The following CADM2 variants were observed in gnomAD, a reference collection of about 807,000 sequenced individuals.
CADM2 encodes the protein cell adhesion molecule 2, also known as immunoglobulin superfamily member 4D.
CADM2 carries 12 observed loss-of-function variants against 49.8 expected under a neutral mutation model. That is an observed-to-expected ratio of 0.24 (90% CI 0.15 to 0.39). The LOEUF (loss-of-function observed/expected upper bound fraction) is 0.39, where lower values mean the gene tolerates loss of function less well. CADM2 is among the 10% of genes least tolerant of loss of function. The pLI, the probability that CADM2 is intolerant of heterozygous loss-of-function variation, is 1.00. For synonymous variants in CADM2, 214 were observed against 175.4 expected, an observed-to-expected ratio of 1.22 and a Z score of -1.74; for missense variants, 378 against 492.3, an observed-to-expected ratio of 0.77 and a Z score of 2.20.
At chr3:85,590,028 T>A (rs368844816) in intron 1 of CADM2, among the ~76,000 whole-genome samples, 1 of 152,080 alleles carries the variant, frequency 6.6e-6, no homozygotes, top group Middle Eastern at 3.4e-3. Context: ...GGAATGTACA[T>A]TTAAAAACAG....
At chr3:85,595,978 C>T (rs946999662) in intron 1 of CADM2, among the ~76,000 whole-genome samples, 1 of 151,732 alleles carries the variant, frequency 6.6e-6, no homozygotes. Flanking sequence ...TAAAAATCAC[C>T]ATACCAAATA....
chr3:85,752,111 C>A (rs1433705712), intron 2 of CADM2, among the ~76,000 whole-genome samples: 1 of 152,030 alleles, frequency 6.6e-6, no homozygotes, highest in African/African-American at 2.4e-5. Context: ...GGTAACAGGG[C>A]AGCTACCACC....
intron 3 of CADM2, among the ~76,000 whole-genome samples, chr3:85,818,158 A>G (rs927119132): frequency 2.6e-5 from 4 of 152,116 alleles, no homozygotes; most frequent in African/African-American, 7.2e-5. Context: ...CATTGAGGGT[A>G]ACAACGAAAC....
intron 1 of CADM2, among the ~76,000 whole-genome samples, chr3:85,279,225 GCCTAAATACA>G (rs1359911310): frequency 1.3e-5 from 2 of 151,484 alleles, no homozygotes; most frequent in African/African-American, 4.8e-5. Flanking sequence ...TGTTATAAGA[GCCTAAATACA>G]TGGATAATCT....
chr3:85,611,947 A>G (rs1288611708), intron 1 of CADM2, among the ~76,000 whole-genome samples: 1 of 151,762 alleles, frequency 6.6e-6, no homozygotes, highest in African/African-American at 2.4e-5. Flanking sequence ...GCCAAAATTA[A>G]CTTCTCCAGG....
intron 1 of CADM2, among the ~76,000 whole-genome samples, chr3:85,531,376 TGACAG>T: frequency 6.6e-6 from 1 of 152,216 alleles, no homozygotes; most frequent in Non-Finnish European, 1.5e-5. Flanking sequence ...TTTATTTTTT[TGACAG>T]TATGAACTGT....
At chr3:86,029,861 A>G (rs1298178786) in intron 8 of CADM2, among the ~76,000 whole-genome samples, 1 of 152,026 alleles carries the variant, frequency 6.6e-6, no homozygotes, top group Non-Finnish European at 1.5e-5. Flanking sequence ...TGAGTCATCA[A>G]GATGGAATCC....
At chr3:86,048,851 A>G (rs955239173) in intron 8 of CADM2, among the ~76,000 whole-genome samples, 1 of 152,186 alleles carries the variant, frequency 6.6e-6, no homozygotes, top group Non-Finnish European at 1.5e-5. Flanking sequence ...CATTTTCACA[A>G]TAAATTTTAT....
chr3:85,388,138 C>T (rs918675347), intron 1 of CADM2, among the ~76,000 whole-genome samples: 1 of 152,268 alleles, frequency 6.6e-6, no homozygotes, highest in Admixed American at 6.5e-5. Flanking sequence ...GAGCGATACT[C>T]CCGCCTCAGC....
intron 8 of CADM2, among the ~76,000 whole-genome samples, chr3:85,964,699 A>C (rs1352928930): frequency 6.6e-6 from 1 of 151,778 alleles, no homozygotes; most frequent in Admixed American, 6.6e-5. Flanking sequence ...TGTAAGATTA[A>C]ACATCTTGCT....
At chr3:85,273,564 C>T (rs1458842225) in intron 1 of CADM2, among the ~76,000 whole-genome samples, 7 of 150,164 alleles carry the variant, frequency 4.7e-5, no homozygotes, top group Middle Eastern at 3.4e-3. Flanking sequence ...AATATAAGAA[C>T]GAAATATTAA....
At chr3:85,242,599 C>A (rs1283758750) in intron 1 of CADM2, among the ~76,000 whole-genome samples, 1 of 151,558 alleles carries the variant, frequency 6.6e-6, no homozygotes, top group Non-Finnish European at 1.5e-5. Flanking sequence ...GCTTTTTAAT[C>A]CTCTGAAGAT....
At chr3:85,771,157 T>A (rs572776971) in intron 2 of CADM2, among the ~76,000 whole-genome samples, 1 of 152,280 alleles carries the variant, frequency 6.6e-6, no homozygotes, top group South Asian at 2.1e-4. Context: ...CAATCTAAAT[T>A]AGACCATAAG....
intron 1 of CADM2, among the ~76,000 whole-genome samples, chr3:84,979,939 A>T (rs1353675867): frequency 3.3e-5 from 5 of 152,204 alleles, no homozygotes; most frequent in Non-Finnish European, 7.4e-5. Context: ...ACCAGTTTGC[A>T]CATGTAACTA....
At chr3:85,573,539 T>G (rs1404687760) in intron 1 of CADM2, among the ~76,000 whole-genome samples, 13 of 152,194 alleles carry the variant, frequency 8.5e-5, no homozygotes, top group South Asian at 2.1e-4. Context: ...GCTATATTTC[T>G]ATTAACTACT....
chr3:84,977,859 GC>G (rs1338901177), intron 1 of CADM2, among the ~76,000 whole-genome samples: 2 of 152,042 alleles, frequency 1.3e-5, no homozygotes, highest in Non-Finnish European at 2.9e-5. Flanking sequence ...GTGTCAATCA[GC>G]AGGTGTTTCA....
intron 8 of CADM2, among the ~76,000 whole-genome samples, chr3:85,966,894 TGTTA>T (rs1331150989): frequency 3.3e-5 from 5 of 151,658 alleles, no homozygotes; most frequent in Admixed American, 2.6e-4. Context: ...CATATTTTAT[TGTTA>T]GTTGGTAGGA....
chr3:85,628,839 A>G (rs547139476), intron 1 of CADM2, among the ~76,000 whole-genome samples: 1 of 150,976 alleles, frequency 6.6e-6, no homozygotes. Context: ...TATATCTCCA[A>G]TTTTTTTGTT....
chr3:85,525,577 T>C lies in CADM2; in HGVS notation c.62-200945T>C, dbSNP rs77192229. Among the ~76,000 whole-genome samples the C allele has an allele frequency of 4.3e-3, 649 of 152,288 alleles. 6 individuals are homozygous for C. The highest frequency in any genetic ancestry group is 0.015 in the African/African-American group (630 of 41,560). On this transcript the variant is annotated intron_variant, in intron 1 of 9. Coordinates refer to ENST00000383699, the MANE Select transcript of CADM2 (RefSeq NM_001167675.2). ...TGGAGGCAGCATATAGTTAGTTAGG[T>C]CCTGATTTTTATCAATGTGATAATC...
Sources: gnomAD v4.1 joint callset for allele counts (sites outside exome capture counted in the v4.1 genomes callset) on GRCh38, gnomAD v4.1.1 for gene constraint, MANE v1.5 for transcripts, NCBI Gene and HGNC (gene_info 2026-07-23, HGNC 2026-07-21) for gene names.